TCF12: variants seen among roughly 807,000 people sequenced by gnomAD.
TCF12 encodes the protein DNA-binding protein HTF4.
TCF12 carries 45 observed loss-of-function variants against 86.0 expected under a neutral mutation model. The observed-to-expected ratio is 0.52, with a 90% CI of 0.41 to 0.67. The LOEUF is 0.67. Ranked by LOEUF, TCF12 falls within the 30% of genes least tolerant of loss-of-function variation. The probability of loss-of-function intolerance (pLI) is 0.00; values close to 1 mark genes in which losing one functional copy is unlikely to be tolerated. For missense variants in TCF12, 881 were observed against 859.9 expected (o/e 1.02, Z -0.31); for synonymous variants, 330 against 299.6 (o/e 1.10, Z -1.05).
chr15:56,980,399 C>T (rs1404983172), intron 3 of TCF12, among the ~76,000 whole-genome samples: 1 of 152,116 alleles, frequency 6.6e-6, no homozygotes, highest in Non-Finnish European at 1.5e-5. Flanking sequence ...CCCTTCTGTC[C>T]TCTGCCGTGT....
intron 5 of TCF12, among the ~76,000 whole-genome samples, chr15:57,120,158 C>G (rs2051127292): frequency 6.6e-6 from 1 of 152,198 alleles, no homozygotes; most frequent in Non-Finnish European, 1.5e-5. Flanking sequence ...ACTGCGTTGA[C>G]TACTCGGATG....
chr15:56,993,849 T>A (rs1220678854), intron 3 of TCF12, among the ~76,000 whole-genome samples: 1 of 152,198 alleles, frequency 6.6e-6, no homozygotes, highest in Non-Finnish European at 1.5e-5. Context: ...AATTCCCAGG[T>A]TATAATCCAA....
At chr15:57,038,140 C>T (rs530418999) in intron 3 of TCF12, among the ~76,000 whole-genome samples, 4 of 152,070 alleles carry the variant, frequency 2.6e-5, no homozygotes, top group African/African-American at 9.6e-5. Flanking sequence ...GGCAAGCTCT[C>T]AATAATAGAA....
intron 13 of TCF12, among the ~76,000 whole-genome samples, chr15:57,250,172 C>A (rs750774843): frequency 9.9e-5 from 15 of 152,084 alleles, no homozygotes; most frequent in African/African-American, 3.4e-4. Flanking sequence ...TAATAGATGA[C>A]CCCAAGATCA....
In TCF12 at chr15:56,918,695, G is replaced by A. The variant is rs1299221837; in HGVS notation, c.-234G>A. ...TCAGCGAAAAAAATGTCCGCCTGAA[G>A]AGACCCACAAGTTCTATTCGGGGGG... On this transcript the variant is annotated 5_prime_UTR_variant, in exon 1 of 21. Coordinates refer to ENST00000333725, the MANE Select transcript of TCF12 (RefSeq NM_207037.2). 1.0e-5 allele frequency: 2 copies of A among 190,722 alleles called. No individual in the cohort carries two copies. The highest frequency in any genetic ancestry group is 2.2e-5 in the Non-Finnish European group (2 of 90,580). 11.8% of individuals were successfully genotyped at this position (190,722 alleles called of 1,614,324 possible).
intron 3 of TCF12, among the ~76,000 whole-genome samples, chr15:56,994,213 A>T (rs574638408): frequency 6.8e-4 from 103 of 152,320 alleles, no homozygotes; most frequent in Middle Eastern, 3.4e-3. Flanking sequence ...AAAGAATTTT[A>T]AAAAATTGAA....
intron 3 of TCF12, among the ~76,000 whole-genome samples, chr15:56,932,370 G>T (rs2060284176): frequency 3.3e-5 from 5 of 152,102 alleles, no homozygotes. Flanking sequence ...ATCAGTTGTA[G>T]TTGCACCTGC....
chr15:57,020,540 A>G (rs915071013), intron 3 of TCF12, among the ~76,000 whole-genome samples: 1 of 152,220 alleles, frequency 6.6e-6, no homozygotes, highest in Non-Finnish European at 1.5e-5. Context: ...TGCTTCAAAC[A>G]TTAAATTTTC....
At chr15:57,220,364 C>T (rs1481078858) in intron 8 of TCF12, among the ~76,000 whole-genome samples, 1 of 152,120 alleles carries the variant, frequency 6.6e-6, no homozygotes, top group Non-Finnish European at 1.5e-5. Context: ...ATTAGGGAAG[C>T]AGTCAGCTAG....
At chr15:57,190,873 A>C (rs1347549786) in intron 6 of TCF12, among the ~76,000 whole-genome samples, 4 of 152,208 alleles carry the variant, frequency 2.6e-5, no homozygotes, top group Admixed American at 1.3e-4. Context: ...TGACAGATTA[A>C]GAATCTGAAA....
intron 16 of TCF12, among the ~76,000 whole-genome samples, chr15:57,260,405 C>G (rs2060534655): frequency 6.6e-6 from 1 of 152,094 alleles, no homozygotes; most frequent in South Asian, 2.1e-4. Flanking sequence ...GTAGTATTGT[C>G]TTACATAGCT....
intron 6 of TCF12, among the ~76,000 whole-genome samples, chr15:57,176,866 A>G (rs1446378889): frequency 6.6e-6 from 1 of 152,244 alleles, no homozygotes; most frequent in East Asian, 1.9e-4. Flanking sequence ...AAAGAGTTGA[A>G]TATTGGACTT....
At position 57,191,202 on chromosome 15, in the gene TCF12, A is replaced by T. The variant is rs545377759; in HGVS notation, c.391-956A>T. ...GAATGGGCCAGCTGCAGTGGCTCAC[A>T]CCAGTATTCCCAGCTCTTTGTTAGG... is the stretch of plus-strand genomic sequence containing the variant. On this transcript the variant is annotated intron_variant, in intron 6 of 20. Transcript: ENST00000333725. Among the ~76,000 whole-genome samples, 116 of 152,338 alleles carry T rather than the reference A, an allele frequency of 7.6e-4. 1 individual carries two copies. The highest frequency in any genetic ancestry group is 2.6e-3 in the African/African-American group (109 of 41,574).
chr15:57,100,713 G>A (rs1402405765), intron 5 of TCF12, among the ~76,000 whole-genome samples: 1 of 152,030 alleles, frequency 6.6e-6, no homozygotes, highest in African/African-American at 2.4e-5. Context: ...AGTAGGGGGA[G>A]GTATTCCTGG....
chr15:57,141,249 C>T (rs544570850), intron 5 of TCF12, among the ~76,000 whole-genome samples: 2 of 152,252 alleles, frequency 1.3e-5, no homozygotes, highest in South Asian at 2.1e-4. Flanking sequence ...TTACTATGGC[C>T]CCAGATATTG....
chr15:57,226,469 A>C (rs1454760957), intron 8 of TCF12, among the ~76,000 whole-genome samples: 2 of 152,126 alleles, frequency 1.3e-5, no homozygotes, highest in Non-Finnish European at 2.9e-5. Context: ...TTTGAGGCCC[A>C]CATTAGCGTG....
At chr15:56,938,121 GTC>G (rs1166997461) in intron 3 of TCF12, among the ~76,000 whole-genome samples, 9 of 141,330 alleles carry the variant, frequency 6.4e-5, no homozygotes, top group Non-Finnish European at 1.4e-4. Flanking sequence ...AGTGGTATTG[GTC>G]TGTAGTTTGC....
At chr15:57,093,541 A>G (rs1411029378) in intron 5 of TCF12, among the ~76,000 whole-genome samples, 1 of 152,346 alleles carries the variant, frequency 6.6e-6, no homozygotes, top group South Asian at 2.1e-4. Context: ...GCTTTGTACC[A>G]AGGTGACGAT....
chr15:57,206,482 T>A (rs563278981), intron 8 of TCF12, among the ~76,000 whole-genome samples: 1 of 152,020 alleles, frequency 6.6e-6, no homozygotes, highest in East Asian at 1.9e-4. Context: ...AAAAGGTAAA[T>A]GTAGTTCCAG....
Sources: gnomAD v4.1 joint callset for allele counts (sites outside exome capture counted in the v4.1 genomes callset) on GRCh38, gnomAD v4.1.1 for gene constraint, MANE v1.5 for transcripts, NCBI Gene and HGNC (gene_info 2026-07-23, HGNC 2026-07-21) for gene names.